Variants in MLIP observed in about 807,000 individuals in gnomAD.
The protein encoded by MLIP is muscular LMNA-interacting protein.
In MLIP, 79 loss-of-function variants were observed where a neutral mutation model predicts 84.8. The ratio of observed to expected loss-of-function variants is 0.93; its 90% CI spans 0.78 to 1.12. The LOEUF (loss-of-function observed/expected upper bound fraction) is 1.12, where lower values mean the gene tolerates loss of function less well. MLIP is among the 50% of genes most tolerant of loss of function. The pLI is 0.00. For synonymous variants in MLIP, 504 were observed against 463.0 expected (o/e 1.09, Z -1.14); for missense variants, 1,257 against 1,160.6 (o/e 1.08, Z -1.21).
At chr6:54,168,457 C>A (rs1775420435) in intron 8 of MLIP, among the ~76,000 whole-genome samples, 1 of 151,788 alleles carries the variant, frequency 6.6e-6, no homozygotes, top group Non-Finnish European at 1.5e-5. Context: ...TTTTTCATTG[C>A]ATTTATTCCT....
At chr6:54,168,434 A>T (rs571231617) in intron 8 of MLIP, among the ~76,000 whole-genome samples, 1 of 151,876 alleles carries the variant, frequency 6.6e-6, no homozygotes, top group Non-Finnish European at 1.5e-5. Context: ...TGGGCTTCAA[A>T]TTATTTCTAC....
At chr6:54,030,678 C>T (rs1242991050) in intron 1 of MLIP, 1 of 151,554 alleles carries the variant, frequency 6.6e-6, no homozygotes, top group Non-Finnish European at 1.5e-5. Context: ...GCAACACTTC[C>T]AATAATTAAT....
At chr6:54,173,373 A>C (rs1775959733) in intron 9 of MLIP, among the ~76,000 whole-genome samples, 1 of 151,808 alleles carries the variant, frequency 6.6e-6, no homozygotes, top group Admixed American at 6.6e-5. Flanking sequence ...CTTCATGCCC[A>C]ATAACCTTCA....
intron 1 of MLIP, among the ~76,000 whole-genome samples, chr6:54,098,139 T>TC (rs757596524): frequency 0.017 from 1,940 of 113,036 alleles, 518 homozygotes; most frequent in Non-Finnish European, 0.02. Context: ...GTCTTGGGGA[T>TC]TTTTCTTTCT....
chr6:54,206,300 C>T (rs1175794725), intron 11 of MLIP, among the ~76,000 whole-genome samples: 1 of 151,950 alleles, frequency 6.6e-6, no homozygotes, highest in Non-Finnish European at 1.5e-5. Context: ...TAATGCAACT[C>T]ATAGTATTAG....
intron 1 of MLIP, among the ~76,000 whole-genome samples, chr6:54,040,001 A>T (rs1329106898): frequency 6.6e-6 from 1 of 152,042 alleles, no homozygotes; most frequent in Non-Finnish European, 1.5e-5. Context: ...ATTTAAGAGC[A>T]CAGGTACTTG....
intron 12 of MLIP, among the ~76,000 whole-genome samples, chr6:54,232,145 ATTCT>A (rs1156581641): frequency 7.9e-5 from 12 of 152,146 alleles, no homozygotes; most frequent in Admixed American, 5.2e-4. Context: ...ATTATTTGAA[ATTCT>A]TTCTGATTTA....
At chr6:54,043,324 A>T (rs994966181) in intron 1 of MLIP, 1 of 45,440 alleles carries the variant, frequency 2.2e-5, no homozygotes, top group African/African-American at 7.8e-5. Context: ...AGTAAAAATG[A>T]TGTTTTAAAT....
At chr6:54,262,948 T>G (rs1783480944) in intron 13 of MLIP, among the ~76,000 whole-genome samples, 1 of 151,928 alleles carries the variant, frequency 6.6e-6, no homozygotes, top group Non-Finnish European at 1.5e-5. Context: ...AAGAAACAGG[T>G]CTCATTTATT....
chr6:54,206,234 A>G (rs2792644), intron 11 of MLIP, among the ~76,000 whole-genome samples: 17,704 of 152,160 alleles, frequency 0.12, 1,159 homozygotes, highest in Non-Finnish European at 0.13. Context: ...TAAAAGGGCA[A>G]TAATTCACCT....
intron 1 of MLIP, among the ~76,000 whole-genome samples, chr6:54,105,777 T>C (rs1324075866): frequency 6.6e-6 from 1 of 152,062 alleles, no homozygotes; most frequent in Non-Finnish European, 1.5e-5. Flanking sequence ...ATGGTAACCA[T>C]CTTGGGAAGA....
chr6:54,202,278 A>T (rs2150715334), intron 11 of MLIP, 45 bp downstream of exon 11: 1 of 856,556 alleles, frequency 1.2e-6, no homozygotes, highest in Non-Finnish European at 1.5e-6. Context: ...GATAAATATA[A>T]ATATATATAA....
intron 9 of MLIP, among the ~76,000 whole-genome samples, chr6:54,179,924 C>T (rs998206760): frequency 6.6e-6 from 1 of 152,146 alleles, no homozygotes; most frequent in Non-Finnish European, 1.5e-5. Context: ...TCTTCCTGCT[C>T]ATTAACAGTC....
rs9370267 is a variant in MLIP, at chr6:54,164,604, G to C, written c.2499+3805G>C. Among the ~76,000 whole-genome samples the C allele has an allele frequency of 6.7e-4, 102 of 151,958 alleles. No homozygotes were observed. In the East Asian group the frequency reaches 0.011, roughly 16 times the overall value. ...TCCATCAACTGAAAAAGTTCCTTGT[G>C]CTCCTTTTTAGTATATACTTTCCTC... On this transcript the variant is annotated intron_variant, in intron 8 of 13. Coordinates refer to ENST00000502396, the MANE Select transcript of MLIP (RefSeq NM_001281747.2).
intron 1 of MLIP, among the ~76,000 whole-genome samples, chr6:54,084,655 TA>T (rs1205845772): frequency 2.0e-5 from 3 of 152,208 alleles, no homozygotes; most frequent in African/African-American, 7.2e-5. Flanking sequence ...ATTCAGGAAT[TA>T]TTTTTTTCTT....
intron 11 of MLIP, among the ~76,000 whole-genome samples, chr6:54,208,784 C>A (rs1007872815): frequency 2.0e-5 from 3 of 152,024 alleles, no homozygotes; most frequent in Non-Finnish European, 4.4e-5. Context: ...GTTTATGTAC[C>A]AAATTGTCTT....
intron 9 of MLIP, among the ~76,000 whole-genome samples, chr6:54,178,866 T>C (rs1416643935): frequency 2.0e-5 from 3 of 152,190 alleles, no homozygotes; most frequent in South Asian, 4.1e-4. Context: ...TGTTGAAGCA[T>C]GTATAGCTGT....
chr6:54,138,338 C>A (rs1772003475), intron 4 of MLIP, 52 bp downstream of exon 4: 2 of 1,372,590 alleles, frequency 1.5e-6, no homozygotes, highest in South Asian at 1.6e-5. Context: ...AGGGAAGAAT[C>A]TTTTTTTTTT....
At chr6:54,168,853 C>CTTTTT (rs3996971) in intron 8 of MLIP, among the ~76,000 whole-genome samples, 3 of 118,810 alleles carry the variant, frequency 2.5e-5, no homozygotes, top group Non-Finnish European at 5.2e-5. Flanking sequence ...GGGTTGAGGT[C>CTTTTT]TTTTTTTTTT....
Sources: allele counts gnomAD v4.1 joint callset (sites outside exome capture counted in the v4.1 genomes callset), GRCh38; gene constraint gnomAD v4.1.1; transcripts MANE v1.5; gene names NCBI Gene and HGNC (gene_info 2026-07-23, HGNC 2026-07-21).